The following CAMSAP1 variants were observed in gnomAD, a reference collection of about 807,000 sequenced individuals.
CAMSAP1 encodes the protein calmodulin regulated spectrin associated protein 1.
Under a neutral mutation model 143.5 loss-of-function variants are expected in CAMSAP1, and 58 were observed. That is an observed-to-expected ratio of 0.40 (90% CI 0.33 to 0.50). The LOEUF is 0.50. CAMSAP1 is among the 20% of genes least tolerant of loss of function. The pLI is 0.45. For missense variants in CAMSAP1, 1,969 were observed against 2,115.7 expected (o/e 0.93, Z 1.36); for synonymous variants, 945 against 859.3 (o/e 1.10, Z -1.74).
chr9:135,857,612 A>C (rs1429823278), intron 5 of CAMSAP1, among the ~76,000 whole-genome samples: 1 of 152,100 alleles, frequency 6.6e-6, no homozygotes, highest in Non-Finnish European at 1.5e-5. Context: ...ATCTCTGTTG[A>C]TTTGGGTTCT....
chr9:135,907,267 CCA>C lies in CAMSAP1; in HGVS notation c.-110_-109del. 1.3e-6 allele frequency: 1 copy of C among 756,396 alleles called. No homozygotes were observed. The highest frequency in any genetic ancestry group is 6.5e-4 in the Middle Eastern group (1 of 1,528). The allele number at this position is 756,396 out of a possible 1,614,324, so 46.9% of individuals were successfully genotyped here. A position where few individuals can be genotyped will look rare whatever the true frequency, so the allele number is the denominator to read the frequency against. ...AGCCACCACTCGGCCCCGCAGCCGG[CCA>C]GCCGGGAGGGGCGCCCGAGCGCGGC... is the stretch of plus-strand genomic sequence containing the variant. On this transcript the variant is annotated 5_prime_UTR_variant, in exon 1 of 17. Transcript: ENST00000389532.
At chr9:135,838,616 ACAT>A (rs1241894059) in intron 7 of CAMSAP1, among the ~76,000 whole-genome samples, 14 of 145,572 alleles carry the variant, frequency 9.6e-5, no homozygotes, top group South Asian at 2.2e-4. Flanking sequence ...CTACAGACAC[ACAT>A]CATCACGCAC....
intron 7 of CAMSAP1, among the ~76,000 whole-genome samples, chr9:135,846,851 T>C (rs1341877600): frequency 7.2e-5 from 11 of 152,152 alleles, no homozygotes; most frequent in Admixed American, 6.5e-5. Context: ...TCATGACAGT[T>C]AGAATGGCGA....
Position 135,821,012 on chromosome 9 carries a change from C to G in CAMSAP1, c.3649G>C (p.Gly1217Arg), listed in dbSNP as rs561227293. 6.2e-6 allele frequency: 10 copies of G among 1,613,048 alleles called. No individual in the cohort carries two copies. The highest frequency in any genetic ancestry group is 8.5e-6 in the Non-Finnish European group (10 of 1,179,186). Residue 1217 changes from glycine to arginine, a missense_variant, in exon 11 of 17, where the codon GGA becomes CGA. By Grantham distance (125) the Gly-to-Arg change is moderately radical. Around this residue, in one of 4 missense-constraint regions of CAMSAP1, gnomAD observed 1,390 missense variants for 1,420.8 expected, o/e 0.98. Coordinates refer to ENST00000389532, the MANE Select transcript of CAMSAP1 (RefSeq NM_015447.4). This position sits in a 1 kb window ranked among gnomAD's most constrained non-coding sequence, Gnocchi z 4.6. The part of the protein sequence containing the change: ...EVGSSSSDVS[G>R]KESVPVEEPL... ...TCCTCCACGGGGACGCTCTCTTTTC[C>G]CGAGACATCTGAGGAGCTGGACCCC...
At chr9:135,861,653 A>C (rs923848918) in intron 5 of CAMSAP1, among the ~76,000 whole-genome samples, 1 of 152,150 alleles carries the variant, frequency 6.6e-6, no homozygotes, top group Non-Finnish European at 1.5e-5. Context: ...TATCTAAGAA[A>C]CTATATTTTC....
At chr9:135,832,865 A>G (rs1158352525) in intron 7 of CAMSAP1, among the ~76,000 whole-genome samples, 1 of 152,218 alleles carries the variant, frequency 6.6e-6, no homozygotes, top group Non-Finnish European at 1.5e-5. Context: ...ACAATAGAAC[A>G]CTGATGAAAG....
At chr9:135,854,100 C>T (rs565224860) in intron 5 of CAMSAP1, among the ~76,000 whole-genome samples, 5 of 152,228 alleles carry the variant, frequency 3.3e-5, no homozygotes, top group Non-Finnish European at 5.9e-5. Context: ...TTATCTGGGA[C>T]ACTTGACATA....
intron 1 of CAMSAP1, among the ~76,000 whole-genome samples, chr9:135,893,442 CAAAA>C (rs928250428): frequency 3.3e-5 from 5 of 151,796 alleles, no homozygotes; most frequent in African/African-American, 1.2e-4. Flanking sequence ...GAAAACAAAA[CAAAA>C]GAAAGGTTGT....
chr9:135,830,950 C>G (rs1028037991), intron 7 of CAMSAP1, among the ~76,000 whole-genome samples: 2 of 151,834 alleles, frequency 1.3e-5, no homozygotes, highest in Non-Finnish European at 2.9e-5. Context: ...GGGGGCAGAT[C>G]ACCTGAGGTC....
intron 7 of CAMSAP1, among the ~76,000 whole-genome samples, chr9:135,845,189 C>T (rs889956911): frequency 6.6e-6 from 1 of 152,150 alleles, no homozygotes; most frequent in African/African-American, 2.4e-5. Flanking sequence ...GGCTTCATAC[C>T]AGGGATGCAA....
At chr9:135,888,770 C>T (rs928898874) in intron 1 of CAMSAP1, among the ~76,000 whole-genome samples, 2 of 152,236 alleles carry the variant, frequency 1.3e-5, no homozygotes, top group African/African-American at 4.8e-5. Context: ...CAGTAGTCCA[C>T]GCCCCAGCTC....
In CAMSAP1 at chr9:135,882,944, C is replaced by T. The variant is rs1419113104; in HGVS notation, c.295G>A (p.Asp99Asn). ...CRVCSLILKG[D>N]QVAALQGHQS... ...TGTCCCTGTAAGGCGGCCACCTGGTCCCCTTTCAGGATGAGGCTGCAGACA... is the reference window on the plus strand; with the variant it reads ...TGTCCCTGTAAGGCGGCCACCTGGTTCCCTTTCAGGATGAGGCTGCAGACA... Residue 99 changes from aspartate to asparagine, a missense_variant, in exon 2 of 17, where the codon GAC becomes AAC. By Grantham distance (23) the Asp-to-Asn change is conservative (BLOSUM62 1). Coordinates refer to ENST00000389532, the MANE Select transcript of CAMSAP1 (RefSeq NM_015447.4). The surrounding 1 kb of genome is among the most constrained non-coding windows in gnomAD (Gnocchi z 4.9). 6.4e-7 allele frequency: 1 copy of T among 1,551,668 alleles called. No homozygotes were observed. The highest frequency in any genetic ancestry group is 8.7e-7 in the Non-Finnish European group (1 of 1,147,022).
chr9:135,862,660 C>T (rs1837240226), intron 4 of CAMSAP1, 52 bp from the exon 5 acceptor site: 1 of 1,535,702 alleles, frequency 6.5e-7, no homozygotes, highest in African/African-American at 1.4e-5. Context: ...TCTTCACTAC[C>T]ATATATGTTA....
In CAMSAP1 at chr9:135,821,331, T is replaced by C. The variant is rs745449862; in HGVS notation, c.3330A>G (p.Pro1110=). 2.5e-6 allele frequency: 4 copies of C among 1,613,562 alleles called. No individual in the cohort carries two copies. Among genetic ancestry groups the C allele is most frequent in the Non-Finnish European group, 3.4e-6 (4 of 1,179,866 alleles). The change falls in exon 11 of 17, where the codon CCA becomes CCG. Residue 1110 remains proline, a synonymous_variant. Coordinates refer to ENST00000389532, the MANE Select transcript of CAMSAP1 (RefSeq NM_015447.4). This position sits in a 1 kb window ranked among gnomAD's most constrained non-coding sequence, Gnocchi z 4.6. ...GGGAGGAGCCCTGTGGCCTGTCTTTTGGGACCTTCAGCTCCGCCGGCCTTC... is the reference window on the plus strand; with the variant it reads ...GGGAGGAGCCCTGTGGCCTGTCTTTCGGGACCTTCAGCTCCGCCGGCCTTC... The part of the protein sequence containing the change: ...RSGRPAELKV[P]KDRPQGSSRS...
intron 1 of CAMSAP1, among the ~76,000 whole-genome samples, chr9:135,883,533 C>A (rs759755752): frequency 3.9e-5 from 6 of 152,092 alleles, no homozygotes; most frequent in Non-Finnish European, 1.5e-5. Flanking sequence ...GGCATCAGCC[C>A]GGGGAGGGAG....
At chr9:135,883,216 A>C in intron 1 of CAMSAP1, 138 bp from the exon 2 acceptor site, 1 of 854,858 alleles carries the variant, frequency 1.2e-6, no homozygotes, top group Non-Finnish European at 1.8e-6. Context: ...AAAAAAAATA[A>C]TTGATTGATT....
At chr9:135,898,514 T>C (rs911211517) in intron 1 of CAMSAP1, among the ~76,000 whole-genome samples, 4 of 152,128 alleles carry the variant, frequency 2.6e-5, no homozygotes, top group Non-Finnish European at 5.9e-5. Context: ...AAAATATATA[T>C]ATATACACAA....
At position 135,850,466 on chromosome 9, in the gene CAMSAP1, T is replaced by C; in HGVS notation, c.809-5A>G. On this transcript the variant is annotated splice_polypyrimidine_tract_variant and splice_region_variant and intron_variant, in intron 5 of 16. Coordinates refer to ENST00000389532, the MANE Select transcript of CAMSAP1 (RefSeq NM_015447.4). ...TTACCTCCTTTAAGCATATATCTAA[T>C]AGACAAAAAGAAAATCACAATTTAT... 4 of 1,551,928 alleles carry C rather than the reference T, an allele frequency of 2.6e-6. No homozygotes were observed. Among genetic ancestry groups the C allele is most frequent in the African/African-American group, 1.4e-5 (1 of 72,108 alleles).
At position 135,818,664 on chromosome 9, in the gene CAMSAP1, C is replaced by T; in HGVS notation, c.3960-48G>A. 1.3e-6 allele frequency: 2 copies of T among 1,592,232 alleles called. No homozygotes were observed. The highest frequency in any genetic ancestry group is 1.7e-6 in the Non-Finnish European group (2 of 1,167,370). On this transcript the variant is annotated intron_variant, in intron 12 of 16. Coordinates refer to ENST00000389532, the MANE Select transcript of CAMSAP1 (RefSeq NM_015447.4). The surrounding 1 kb of genome is among the most constrained non-coding windows in gnomAD (Gnocchi z 7.7). ...CACTGCTCGGTCACGGGGCTTCTTC[C>T]ACGACGCCTGCGCCGCGGCGCTCTG...
Sources: gnomAD v4.1 joint callset for allele counts (sites outside exome capture counted in the v4.1 genomes callset) on GRCh38, gnomAD v4.1.1 for gene constraint, gnomAD v4.1.1 regional missense constraint, Gnocchi (gnomAD v3.1) non-coding constraint, MANE v1.5 for transcripts, NCBI Gene and HGNC (gene_info 2026-07-23, HGNC 2026-07-21) for gene names.